MAGI2: variants seen among roughly 807,000 people sequenced by gnomAD.
MAGI2 encodes membrane-associated guanylate kinase, WW and PDZ domain-containing protein 2.
MAGI2 carries 35 observed loss-of-function variants against 133.3 expected under a neutral mutation model. That is an observed-to-expected ratio of 0.26 (90% CI 0.20 to 0.35). The LOEUF is 0.35. Among genes scored for constraint, MAGI2 ranks in the 10% least tolerant of loss-of-function variants. MAGI2 has a pLI of 1.00. For synonymous variants in MAGI2, 729 were observed against 710.6 expected (o/e 1.03, Z -0.41); for missense variants, 1,636 against 1,863.4 (o/e 0.88, Z 2.25).
intron 2 of MAGI2, among the ~76,000 whole-genome samples, chr7:78,651,212 C>T (rs116112189): frequency 1.1e-3 from 169 of 152,196 alleles, no homozygotes; most frequent in African/African-American, 3.9e-3. Flanking sequence ...AATACAGACC[C>T]TCCAGCCTCT....
chr7:78,122,066 C>G (rs1584011321), intron 20 of MAGI2, among the ~76,000 whole-genome samples: 1 of 152,134 alleles, frequency 6.6e-6, no homozygotes, highest in African/African-American at 2.4e-5. Flanking sequence ...TTGAGAGATA[C>G]ACACATCTGT....
At chr7:78,658,935 T>A (rs1270375368) in intron 2 of MAGI2, among the ~76,000 whole-genome samples, 2 of 152,140 alleles carry the variant, frequency 1.3e-5, no homozygotes, top group African/African-American at 2.4e-5. Flanking sequence ...AACATACAAC[T>A]ACCACAAAAG....
rs969388769 is a variant in MAGI2, at chr7:78,062,090, AC to A, written c.3706+16856del. Among the ~76,000 whole-genome samples, 19 of 152,276 alleles carry A rather than the reference AC, an allele frequency of 1.2e-4. No individual in the cohort carries two copies. The East Asian group carries it at 3.1e-3, about 25-fold the overall frequency. ...TTTTTTGTTTTGGTAACCTACAAGC[AC>A]CCCGTTTTCCTTAACCCTTCCCCAT... On this transcript the variant is annotated intron_variant, in intron 21 of 21. Transcript: ENST00000354212.
chr7:78,520,245 C>T (rs974602217), intron 4 of MAGI2, among the ~76,000 whole-genome samples: 1 of 152,046 alleles, frequency 6.6e-6, no homozygotes, highest in South Asian at 2.1e-4. Flanking sequence ...TTTTGGTCTC[C>T]TTATGTTCAT....
intron 16 of MAGI2, among the ~76,000 whole-genome samples, chr7:78,142,866 C>T (rs938064922): frequency 6.6e-6 from 1 of 152,058 alleles, no homozygotes; most frequent in African/African-American, 2.4e-5. Context: ...TCTTTTCTTC[C>T]GTAGCAATAC....
At chr7:79,134,101 A>C (rs1821170681) in intron 1 of MAGI2, among the ~76,000 whole-genome samples, 1 of 152,208 alleles carries the variant, frequency 6.6e-6, no homozygotes, top group African/African-American at 2.4e-5. Flanking sequence ...TCAAATGATT[A>C]AAGTTAAAAT....
chr7:78,039,375 C>T (rs560695923), intron 21 of MAGI2, among the ~76,000 whole-genome samples: 13 of 152,310 alleles, frequency 8.5e-5, no homozygotes, highest in African/African-American at 3.1e-4. Context: ...CAGATTCCTG[C>T]CTTCAAGAGA....
At chr7:79,343,412 C>T (rs151294342) in intron 1 of MAGI2, 6 of 151,984 alleles carry the variant, frequency 3.9e-5, no homozygotes, top group South Asian at 2.1e-4. Flanking sequence ...TGAAAGGACG[C>T]GAATAAAGCT....
intron 6 of MAGI2, among the ~76,000 whole-genome samples, chr7:78,387,797 G>A (rs1583834579): frequency 2.6e-5 from 4 of 152,010 alleles, no homozygotes; most frequent in East Asian, 1.9e-4. Flanking sequence ...GTGATGGCAC[G>A]CGCCTGTAGT....
intron 2 of MAGI2, among the ~76,000 whole-genome samples, chr7:78,649,232 A>G (rs1393950376): frequency 2.4e-5 from 2 of 81,894 alleles, no homozygotes; most frequent in African/African-American, 8.6e-5. Context: ...TAAAAAAAAA[A>G]AAAGAAAAAA....
At chr7:78,667,335 A>G (rs1402335503) in intron 2 of MAGI2, among the ~76,000 whole-genome samples, 1 of 147,794 alleles carries the variant, frequency 6.8e-6, no homozygotes, top group African/African-American at 2.5e-5. Flanking sequence ...AGCGTGCAGT[A>G]TTGTAACCAA....
chr7:79,241,073 G>A (rs922755102), intron 1 of MAGI2, among the ~76,000 whole-genome samples: 3 of 151,916 alleles, frequency 2.0e-5, no homozygotes, highest in Non-Finnish European at 4.4e-5. Flanking sequence ...ACTTAAAATT[G>A]CTTTCATTTG....
chr7:78,658,806 G>C lies in MAGI2; in HGVS notation c.419-31567C>G, dbSNP rs1052079288. 1.1e-4 allele frequency among the ~76,000 whole-genome samples: 17 copies of C among 152,120 alleles called. 1 individual carries two copies. The East Asian group carries it at 2.3e-3, about 21-fold the overall frequency. The stretch of plus-strand genomic sequence containing the variant: ...CACGACAGCTAAAATAAAAAATAGT[G>C]ACAATGCAAAATTGTGGAGAACCTG... On this transcript the variant is annotated intron_variant, in intron 2 of 21. Transcript: ENST00000354212.
intron 9 of MAGI2, among the ~76,000 whole-genome samples, chr7:78,303,378 CAA>C (rs11377993): frequency 6.0e-5 from 2 of 33,352 alleles, no homozygotes; most frequent in South Asian, 2.3e-3. Context: ...AAACTGTCTC[CAA>C]AAAAAAAAAA....
chr7:79,140,261 T>A (rs558523566), intron 1 of MAGI2, among the ~76,000 whole-genome samples: 1 of 152,182 alleles, frequency 6.6e-6, no homozygotes, highest in Non-Finnish European at 1.5e-5. Flanking sequence ...AAAAATTGGG[T>A]GTTTATTTCT....
At chr7:79,141,111 C>A (rs1407057957) in intron 1 of MAGI2, among the ~76,000 whole-genome samples, 2 of 152,148 alleles carry the variant, frequency 1.3e-5, no homozygotes, top group Non-Finnish European at 2.9e-5. Flanking sequence ...AATTAAAACA[C>A]CTTTCTTCTA....
chr7:78,743,979 T>G (rs1323208802), intron 2 of MAGI2, among the ~76,000 whole-genome samples: 1 of 152,188 alleles, frequency 6.6e-6, no homozygotes, highest in Non-Finnish European at 1.5e-5. Flanking sequence ...GTATGAGTAT[T>G]TATTTTTGTC....
chr7:78,510,674 G>A (rs1195313818), intron 4 of MAGI2, among the ~76,000 whole-genome samples: 2 of 152,146 alleles, frequency 1.3e-5, no homozygotes, highest in Admixed American at 1.3e-4. Context: ...ATGGGGTTAA[G>A]TAATTTAAAG....
chr7:79,036,831 C>T (rs1057133638), intron 1 of MAGI2, among the ~76,000 whole-genome samples: 3 of 152,168 alleles, frequency 2.0e-5, no homozygotes, highest in African/African-American at 7.2e-5. Flanking sequence ...TAAATTTTAA[C>T]ATTGGTGAAT....
Sources: gnomAD v4.1 joint callset for allele counts (sites outside exome capture counted in the v4.1 genomes callset) on GRCh38, gnomAD v4.1.1 for gene constraint, MANE v1.5 for transcripts, NCBI Gene and HGNC (gene_info 2026-07-23, HGNC 2026-07-21) for gene names.